The following EMID1 variants were observed in gnomAD, a reference collection of about 807,000 sequenced individuals.
EMID1 encodes the protein EMI domain containing 1.
In EMID1, 40 loss-of-function variants were observed where a neutral mutation model predicts 60.6. The observed-to-expected ratio is 0.66, with a 90% CI of 0.51 to 0.86. The LOEUF is 0.86. Ranked by LOEUF, EMID1 falls within the 40% of genes least tolerant of loss-of-function variation. The probability of loss-of-function intolerance (pLI) is 0.00; values close to 1 mark genes in which losing one functional copy is unlikely to be tolerated. For missense variants in EMID1, 585 were observed against 597.1 expected, an observed-to-expected ratio of 0.98 and a Z score of 0.21; for synonymous variants, 242 against 231.0, an observed-to-expected ratio of 1.05 and a Z score of -0.43.
intron 13 of EMID1, among the ~76,000 whole-genome samples, chr22:29,244,528 A>G (rs1432764097): frequency 1.3e-5 from 2 of 152,102 alleles, no homozygotes; most frequent in African/African-American, 2.4e-5. Flanking sequence ...AGTCCTAGCT[A>G]TTCAGGAGGC....
intron 13 of EMID1, among the ~76,000 whole-genome samples, chr22:29,251,219 C>G (rs572656493): frequency 2.0e-5 from 3 of 151,724 alleles, no homozygotes; most frequent in Admixed American, 6.6e-5. Flanking sequence ...GTAGCCAGGA[C>G]TACAGGCGCA....
At chr22:29,207,845 T>C (rs549905957) in intron 1 of EMID1, among the ~76,000 whole-genome samples, 1 of 152,296 alleles carries the variant, frequency 6.6e-6, no homozygotes, top group African/African-American at 2.4e-5. Flanking sequence ...CCAGCAGCCT[T>C]GCTGGAAGAG....
intron 3 of EMID1, among the ~76,000 whole-genome samples, chr22:29,224,261 C>T (rs987311292): frequency 6.6e-6 from 1 of 152,232 alleles, no homozygotes; most frequent in Non-Finnish European, 1.5e-5. Context: ...CAGGCCCGCG[C>T]CTTATTTGGG....
At chr22:29,252,281 C>A (rs1304610822) in intron 13 of EMID1, among the ~76,000 whole-genome samples, 1 of 152,206 alleles carries the variant, frequency 6.6e-6, no homozygotes, top group South Asian at 2.1e-4. Flanking sequence ...TCAGCCCCAG[C>A]GAGCAGGCTC....
chr22:29,214,935 C>A lies in EMID1; in HGVS notation c.111C>A (p.Cys37Ter). The A allele has an allele frequency of 2.0e-6, 3 of 1,527,226 alleles. No individual in the cohort carries two copies. The highest frequency in any genetic ancestry group is 2.7e-6 in the Non-Finnish European group (3 of 1,129,252). 94.6% of individuals were successfully genotyped at this position (1,527,226 alleles called of 1,614,324 possible). Reference protein sequence around the residue: ...AAPFSGRRNWCSYVVTRTISC... With the variant: ...AAPFSGRRNW ...TTTGGGTCTGTTTCAGGAACTGGTG[C>A]TCCTATGTGGTGACCCGCACCATCT... The change falls in exon 2 of 15, where the codon TGC becomes TGA. Residue 37 changes from cysteine to a stop codon, truncating the protein, a stop_gained. Transcript: ENST00000334018. LOFTEE classifies it high-confidence loss of function.
Position 29,259,337 on chromosome 22 carries a change from G to T in EMID1, c.*393G>T, listed in dbSNP as rs770971608. 6.0e-4 allele frequency: 136 copies of T among 228,340 alleles called. No homozygotes were observed. Among genetic ancestry groups the T allele is most frequent in the Non-Finnish European group, 9.5e-4 (111 of 116,312 alleles). 14.1% of individuals were successfully genotyped at this position (228,340 alleles called of 1,614,324 possible). A position where few individuals can be genotyped will look rare whatever the true frequency, so the allele number is the denominator to read the frequency against. ...TCCTCCCCCTCCCCGACCAAACCTCGGGGAGCCCTCCTGTGCCCCTCCCTC... is the reference window on the plus strand; with the variant it reads ...TCCTCCCCCTCCCCGACCAAACCTCTGGGAGCCCTCCTGTGCCCCTCCCTC... On this transcript the variant is annotated 3_prime_UTR_variant, in exon 15 of 15. Coordinates refer to ENST00000334018, the MANE Select transcript of EMID1 (RefSeq NM_133455.4).
Position 29,226,441 on chromosome 22 carries a change from G to A in EMID1, c.404-49G>A, listed in dbSNP as rs375882082. The A allele has an allele frequency of 1.5e-5, 24 of 1,595,458 alleles. No individual in the cohort carries two copies. The African/African-American group carries it at 3.0e-4, about 20-fold the overall frequency. On this transcript the variant is annotated intron_variant, in intron 4 of 14. Coordinates refer to ENST00000334018, the MANE Select transcript of EMID1 (RefSeq NM_133455.4). ...CCCCAGAGACTGAAGGGTTCTGAGG[G>A]GAAGCCTAGGACCCTTGGCCCTGGC...
intron 12 of EMID1, among the ~76,000 whole-genome samples, chr22:29,235,611 G>T (rs2040917711): frequency 6.6e-6 from 1 of 151,524 alleles, no homozygotes; most frequent in South Asian, 2.1e-4. Context: ...ATGTGCCTAG[G>T]CTGAACTCAA....
chr22:29,216,890 C>CA (rs1402366777), intron 3 of EMID1, among the ~76,000 whole-genome samples: 1 of 152,248 alleles, frequency 6.6e-6, no homozygotes, highest in African/African-American at 2.4e-5. Flanking sequence ...CCAAACACCC[C>CA]TGCGGAGAGG....
chr22:29,210,984 G>A (rs1401060936), intron 1 of EMID1, among the ~76,000 whole-genome samples: 1 of 152,194 alleles, frequency 6.6e-6, no homozygotes, highest in Non-Finnish European at 1.5e-5. Context: ...ACATGTGCCT[G>A]CATGTGCATG....
Position 29,231,000 on chromosome 22 carries a change from G to C in EMID1, c.466-20G>C. The C allele has an allele frequency of 6.2e-7, 1 of 1,607,706 alleles. No homozygotes were observed. On this transcript the variant is annotated intron_variant, in intron 5 of 14. Coordinates refer to ENST00000334018, the MANE Select transcript of EMID1 (RefSeq NM_133455.4). ...CTAGTGAGACCCTGGTACCCACCCC[G>C]TCCCTGTCTTCCTCTTCAGATGACC...
chr22:29,220,357 C>A (rs1001861326), intron 3 of EMID1, among the ~76,000 whole-genome samples: 1 of 152,198 alleles, frequency 6.6e-6, no homozygotes, highest in Admixed American at 6.5e-5. Flanking sequence ...GAGGCCAGGC[C>A]GGACATAGAC....
intron 5 of EMID1, 142 bp downstream of exon 5, chr22:29,226,693 G>A (rs1307345177): frequency 1.3e-5 from 10 of 765,748 alleles, no homozygotes; most frequent in African/African-American, 3.6e-5. Flanking sequence ...GAACTGACTC[G>A]GCGAGCAGCA....
chr22:29,230,055 G>A (rs1231210335), intron 5 of EMID1, among the ~76,000 whole-genome samples: 3 of 152,184 alleles, frequency 2.0e-5, no homozygotes, highest in Middle Eastern at 3.2e-3. Context: ...GTGAAAGGCC[G>A]GGAGTGGTGG....
intron 13 of EMID1, among the ~76,000 whole-genome samples, chr22:29,248,451 T>G (rs1258480378): frequency 6.6e-6 from 1 of 152,140 alleles, no homozygotes; most frequent in Non-Finnish European, 1.5e-5. Flanking sequence ...AACAATGCCT[T>G]CTTCTGGAAT....
chr22:29,253,145 T>G (rs574112085), intron 13 of EMID1, among the ~76,000 whole-genome samples: 1 of 152,318 alleles, frequency 6.6e-6, no homozygotes, highest in East Asian at 1.9e-4. Flanking sequence ...ATATTGTATG[T>G]CAAAAATGCA....
intron 3 of EMID1, among the ~76,000 whole-genome samples, chr22:29,220,749 G>C (rs1458219135): frequency 6.6e-6 from 1 of 152,170 alleles, no homozygotes; most frequent in Non-Finnish European, 1.5e-5. Flanking sequence ...CAAGGACAGA[G>C]CGGAAGCCTC....
At chr22:29,214,122 G>A (rs1224183471) in intron 1 of EMID1, among the ~76,000 whole-genome samples, 9 of 152,248 alleles carry the variant, frequency 5.9e-5, no homozygotes, top group African/African-American at 2.2e-4. Flanking sequence ...TGGGCTTGGG[G>A]CATTGATTAC....
chr22:29,234,252 C>G (rs2040861759), intron 11 of EMID1, 53 bp downstream of exon 11: 1 of 1,611,700 alleles, frequency 6.2e-7, no homozygotes, highest in South Asian at 1.1e-5. Flanking sequence ...CCTGAGGGCC[C>G]CAGGTCAGAG....
Sources: gnomAD v4.1 joint callset for allele counts (sites outside exome capture counted in the v4.1 genomes callset) on GRCh38, gnomAD v4.1.1 for gene constraint, MANE v1.5 for transcripts, NCBI Gene and HGNC (gene_info 2026-07-23, HGNC 2026-07-21) for gene names.